Variants in OR6C76 observed in about 807,000 individuals in gnomAD.
OR6C76 encodes olfactory receptor 6C76.
For missense variants in OR6C76, 352 were observed against 357.3 expected (o/e 0.99, Z 0.12); for synonymous variants, 140 against 137.8 (o/e 1.02, Z -0.11).
Position 55,427,163 on chromosome 12 carries a change from A to C in OR6C76, c.910A>C (p.Lys304Gln), listed in dbSNP as rs867146988. The C allele has an allele frequency of 6.5e-7, 1 of 1,544,772 alleles. No individual in the cohort carries two copies. Among genetic ancestry groups the C allele is most frequent in the Middle Eastern group, 1.7e-4 (1 of 5,752 alleles). Reference sequence around the variant, plus strand: ...ACAAGCATTTAAGGATGTTCTGAGAAAGATTTCCCACAAAAAAAAAAAACA... The same window carrying C: ...ACAAGCATTTAAGGATGTTCTGAGACAGATTTCCCACAAAAAAAAAAAACA... ...VKQAFKDVLR[K>Q]ISHKKKKH Residue 304 changes from lysine to glutamine, a missense_variant, in exon 1 of 1, where the codon AAG (lysine) becomes CAG (glutamine). Coordinates refer to ENST00000328314, the MANE Select transcript of OR6C76 (RefSeq NM_001005183.1).
rs1870990419 is a variant in OR6C76 at position 55,427,003 on chromosome 12, A to G, written c.750A>G (p.Gly250=). 6.2e-7 allele frequency: 1 copy of G among 1,613,494 alleles called. No individual in the cohort carries two copies. The highest frequency in any genetic ancestry group is 8.5e-7 in the Non-Finnish European group (1 of 1,179,736). The change falls in exon 1 of 1, where the codon GGA becomes GGG. Residue 250 remains glycine, a synonymous_variant. Coordinates refer to ENST00000328314, the MANE Select transcript of OR6C76 (RefSeq NM_001005183.1). ...TGATTGTTGTCTCTATCTCTTATGG[A>G]AGCTGCATCTTCATGTATGTGAAAA... The part of the protein sequence containing the change: ...SHVIVVSISY[G]SCIFMYVKTS...
Position 55,427,172 on chromosome 12 carries a change from CA to C in OR6C76, c.920del (p.His307ProfsTer?), listed in dbSNP as rs1156356233. 2 of 1,500,178 alleles carry C rather than the reference CA, an allele frequency of 1.3e-6. No individual in the cohort carries two copies. Among genetic ancestry groups the C allele is most frequent in the Non-Finnish European group, 1.8e-6 (2 of 1,123,800 alleles). The allele number at this position is 1,500,178 out of a possible 1,614,324, so 92.9% of individuals were successfully genotyped here. On this transcript the variant is annotated frameshift_variant, in exon 1 of 1. Coordinates refer to ENST00000328314, the MANE Select transcript of OR6C76 (RefSeq NM_001005183.1). LOFTEE classifies it low-confidence loss of function (END_TRUNC). ...TAAGGATGTTCTGAGAAAGATTTCC[CA>C]CAAAAAAAAAAAACACTGATTTGAA... is the stretch of plus-strand genomic sequence containing the variant. Reference protein sequence around the residue: ...AFKDVLRKISHKKKKH With the variant: ...AFKDVLRKISXKKKKH
Position 55,426,384 on chromosome 12 carries a change from T to C in OR6C76, c.131T>C (p.Ile44Thr). ...AGTGTTACTGGAAATCTAACTATCATCTCCCTTACCCTGCTGGATTCCCAC... is the reference window on the plus strand; with the variant it reads ...AGTGTTACTGGAAATCTAACTATCACCTCCCTTACCCTGCTGGATTCCCAC... ...VLSVTGNLTI[I>T]SLTLLDSHLK... The change falls in exon 1 of 1, where the codon ATC (isoleucine) becomes ACC (threonine). Residue 44 changes from isoleucine to threonine, a missense_variant. Ile to Thr is a moderately conservative substitution (Grantham distance 89). Coordinates refer to ENST00000328314, the MANE Select transcript of OR6C76 (RefSeq NM_001005183.1). The C allele has an allele frequency of 6.2e-7, 1 of 1,613,754 alleles. No homozygotes were observed. Among genetic ancestry groups the C allele is most frequent in the African/African-American group, 1.3e-5 (1 of 75,014 alleles).
rs1316554093 is a variant in OR6C76, at chr12:55,427,119, T to G, written c.866T>G (p.Leu289Arg). 1 of 1,602,832 alleles carries G rather than the reference T, an allele frequency of 6.2e-7. No homozygotes were observed. Among genetic ancestry groups the G allele is most frequent in the Non-Finnish European group, 8.5e-7 (1 of 1,176,270 alleles). Residue 289 changes from leucine (L) to arginine (R), a missense_variant, in exon 1 of 1, where the codon CTA (leucine) becomes CGA (arginine). Coordinates refer to ENST00000328314, the MANE Select transcript of OR6C76 (RefSeq NM_001005183.1). ...ATGCTGAATCCATTTATTTACACTCTAAGAAACCAGCAGGTGAAACAAGCA... is the reference window on the plus strand; with the variant it reads ...ATGCTGAATCCATTTATTTACACTCGAAGAAACCAGCAGGTGAAACAAGCA... Reference protein sequence around the residue: ...APMLNPFIYTLRNQQVKQAFK... With the variant: ...APMLNPFIYTRRNQQVKQAFK...
rs770014298 is a variant in OR6C76 at position 55,427,140 on chromosome 12, A to G, written c.887A>G (p.Gln296Arg). ...ACTCTAAGAAACCAGCAGGTGAAAC[A>G]AGCATTTAAGGATGTTCTGAGAAAG... ...IYTLRNQQVKQAFKDVLRKIS... is the reference protein window; with the variant it reads ...IYTLRNQQVKRAFKDVLRKIS... Residue 296 changes from glutamine (Q) to arginine (R), a missense_variant, in exon 1 of 1, where the codon CAA (glutamine) becomes CGA (arginine). Transcript: ENST00000328314. The G allele has an allele frequency of 1.6e-5, 25 of 1,600,084 alleles. No individual in the cohort carries two copies. The highest frequency in any genetic ancestry group is 2.0e-5 in the Non-Finnish European group (23 of 1,173,146).
rs776333402 is a variant in OR6C76 at position 55,426,648 on chromosome 12, T to C, written c.395T>C (p.Ile132Thr). ...AICKPLHYTT[I>T]MSDRICYQLI... ...TGTAAGCCTCTGCATTATACAACCATCATGAGTGACAGGATCTGTTATCAG... is the reference window on the plus strand; with the variant it reads ...TGTAAGCCTCTGCATTATACAACCACCATGAGTGACAGGATCTGTTATCAG... The change falls in exon 1 of 1, where the codon ATC becomes ACC. Residue 132 changes from isoleucine (I) to threonine (T), a missense_variant. Transcript: ENST00000328314. 1 of 1,613,682 alleles carries C rather than the reference T, an allele frequency of 6.2e-7. No homozygotes were observed. The highest frequency in any genetic ancestry group is 2.2e-5 in the East Asian group (1 of 44,886).
Position 55,426,277 on chromosome 12 carries a change from A to G in OR6C76, c.24A>G (p.Thr8=). The G allele has an allele frequency of 6.2e-7, 1 of 1,600,348 alleles. No individual in the cohort carries two copies. The change falls in exon 1 of 1, where the codon ACA becomes ACG. Residue 8 remains threonine (T), a synonymous_variant. Coordinates refer to ENST00000328314, the MANE Select transcript of OR6C76 (RefSeq NM_001005183.1). ...AAATGAAAAATAGAACATCAGTGACAGATTTCATCCTTCTGGGTCTGACGG... is the reference window on the plus strand; with the variant it reads ...AAATGAAAAATAGAACATCAGTGACGGATTTCATCCTTCTGGGTCTGACGG... MKNRTSV[T]DFILLGLTDN...
In OR6C76 at chr12:55,426,370, A is replaced by T. The variant is rs752644678; in HGVS notation, c.117A>T (p.Gly39=). Residue 39 remains glycine, a synonymous_variant, in exon 1 of 1, where the codon GGA becomes GGT. Transcript: ENST00000328314. ...LFLTYVLSVT[G]NLTIISLTLL... ...TTACGTATGTACTGAGTGTTACTGG[A>T]AATCTAACTATCATCTCCCTTACCC... 53 of 1,613,636 alleles carry T rather than the reference A, an allele frequency of 3.3e-5. No individual in the cohort carries two copies. In the East Asian group the frequency reaches 3.8e-4, roughly 12 times the overall value.
chr12:55,426,471 TC>T lies in OR6C76; in HGVS notation c.219del (p.Cys74ValfsTer6), dbSNP rs1870972539. The T allele has an allele frequency of 6.2e-7, 1 of 1,613,658 alleles. No homozygotes were observed. Among genetic ancestry groups the T allele is most frequent in the African/African-American group, 1.3e-5 (1 of 74,904 alleles). ...TCCTTGGAAATTTCATTTACTTCTG[TC>T]TGTAATCCTAGATTTCTGATCAGCA... ...NFSLEISFTS[V>X]CNPRFLISIL... On this transcript the variant is annotated frameshift_variant, in exon 1 of 1. Coordinates refer to ENST00000328314, the MANE Select transcript of OR6C76 (RefSeq NM_001005183.1). LOFTEE classifies it low-confidence loss of function (END_TRUNC).
At position 55,426,912 on chromosome 12, in the gene OR6C76, G is replaced by T; in HGVS notation, c.659G>T (p.Arg220Ile). The T allele has an allele frequency of 6.2e-7, 1 of 1,613,368 alleles. No homozygotes were observed. The highest frequency in any genetic ancestry group is 8.5e-7 in the Non-Finnish European group (1 of 1,179,692). The change falls in exon 1 of 1, where the codon AGA (arginine) becomes ATA (isoleucine). Residue 220 changes from arginine (R) to isoleucine (I), a missense_variant. Arg to Ile is a moderately conservative substitution (Grantham distance 97). Transcript: ENST00000328314. ...LVILSYTYII[R>I]TILRIPSAQQ... ...ATTCTCTCCTATACTTACATCATCAGAACTATTCTGAGAATCCCCTCAGCA... is the reference window on the plus strand; with the variant it reads ...ATTCTCTCCTATACTTACATCATCATAACTATTCTGAGAATCCCCTCAGCA...
chr12:55,426,894 C>T lies in OR6C76; in HGVS notation c.641C>T (p.Ser214Phe), dbSNP rs754259018. Residue 214 changes from serine (S) to phenylalanine (F), a missense_variant, in exon 1 of 1, where the codon TCC becomes TTC. Physicochemically the swap from Ser to Phe is radical, Grantham distance 155. Coordinates refer to ENST00000328314, the MANE Select transcript of OR6C76 (RefSeq NM_001005183.1). ...TCCACTTTGATATTAGTAATTCTCT[C>T]CTATACTTACATCATCAGAACTATT... ...LISTLILVILSYTYIIRTILR... is the reference protein window; with the variant it reads ...LISTLILVILFYTYIIRTILR... 6 of 1,613,296 alleles carry T rather than the reference C, an allele frequency of 3.7e-6. No homozygotes were observed. In the African/African-American group the frequency reaches 4.0e-5, roughly 11 times the overall value.
chr12:55,426,509 G>T lies in OR6C76; in HGVS notation c.256G>T (p.Asp86Tyr), dbSNP rs767182523. 57 of 1,613,656 alleles carry T rather than the reference G, an allele frequency of 3.5e-5. No homozygotes were observed. The highest frequency in any genetic ancestry group is 4.7e-5 in the Non-Finnish European group (56 of 1,179,856). ...ATTTCTGATCAGCATTCTAACAGGG[G>T]ACAAATCCATATCTTATAATGCTTG... Reference protein sequence around the residue: ...PRFLISILTGDKSISYNACAA... With the variant: ...PRFLISILTGYKSISYNACAA... Residue 86 changes from aspartate to tyrosine, a missense_variant, in exon 1 of 1, where the codon GAC (aspartate) becomes TAC (tyrosine). Asp to Tyr is a radical substitution (Grantham distance 160). Transcript: ENST00000328314.
rs1465968256 is a variant in OR6C76 at position 55,427,183 on chromosome 12, A to T, written c.930A>T (p.Lys310Asn). 1.3e-6 allele frequency: 2 copies of T among 1,544,760 alleles called. No individual in the cohort carries two copies. Among genetic ancestry groups the T allele is most frequent in the Non-Finnish European group, 1.7e-6 (2 of 1,149,308 alleles). Residue 310 changes from lysine (K) to asparagine (N), a missense_variant, in exon 1 of 1, where the codon AAA (lysine) becomes AAT (asparagine). Coordinates refer to ENST00000328314, the MANE Select transcript of OR6C76 (RefSeq NM_001005183.1). ...DVLRKISHKK[K>N]KH ...TGAGAAAGATTTCCCACAAAAAAAAAAAACACTGATTTGAATGCAATTTAT... is the reference window on the plus strand; with the variant it reads ...TGAGAAAGATTTCCCACAAAAAAAATAAACACTGATTTGAATGCAATTTAT...
chr12:55,426,743 G>A lies in OR6C76; in HGVS notation c.490G>A (p.Asp164Asn). 16 of 1,613,214 alleles carry A rather than the reference G, an allele frequency of 9.9e-6. No homozygotes were observed. The highest frequency in any genetic ancestry group is 1.4e-5 in the Non-Finnish European group (16 of 1,179,814). Residue 164 changes from aspartate to asparagine, a missense_variant, in exon 1 of 1, where the codon GAT becomes AAT. Transcript: ENST00000328314. ...FPPLAMGLQL[D>N]FCDSNVIDHF... ...ACCACTGGCCATGGGCTTACAGCTG[G>A]ATTTCTGTGACTCCAATGTCATTGA... is the stretch of plus-strand genomic sequence containing the variant.
Position 55,427,008 on chromosome 12 carries a change from G to A in OR6C76, c.755G>A (p.Cys252Tyr), listed in dbSNP as rs1870990658. ...GTTGTCTCTATCTCTTATGGAAGCT[G>A]CATCTTCATGTATGTGAAAACATCA... ...VIVVSISYGS[C>Y]IFMYVKTSAK... Residue 252 changes from cysteine (C) to tyrosine (Y), a missense_variant, in exon 1 of 1, where the codon TGC (cysteine) becomes TAC (tyrosine). Coordinates refer to ENST00000328314, the MANE Select transcript of OR6C76 (RefSeq NM_001005183.1). 1 of 1,613,498 alleles carries A rather than the reference G, an allele frequency of 6.2e-7. No individual in the cohort carries two copies.
chr12:55,427,130 C>T lies in OR6C76; in HGVS notation c.877C>T (p.Gln293Ter). 6.3e-7 allele frequency: 1 copy of T among 1,597,870 alleles called. No individual in the cohort carries two copies. The change falls in exon 1 of 1, where the codon CAG becomes TAG. Residue 293 changes from glutamine (Q) to a stop codon, truncating the protein, a stop_gained. Transcript: ENST00000328314. LOFTEE classifies it low-confidence loss of function (END_TRUNC). ...ATTTATTTACACTCTAAGAAACCAGCAGGTGAAACAAGCATTTAAGGATGT... is the reference window on the plus strand; with the variant it reads ...ATTTATTTACACTCTAAGAAACCAGTAGGTGAAACAAGCATTTAAGGATGT... The part of the protein sequence containing the change: ...NPFIYTLRNQ[Q>*]VKQAFKDVLR...
rs772898790 is a variant in OR6C76, at chr12:55,426,592, C to T, written c.339C>T (p.Ala113=). 20 of 1,613,642 alleles carry T rather than the reference C, an allele frequency of 1.2e-5. No individual in the cohort carries two copies. The highest frequency in any genetic ancestry group is 1.6e-4 in the Middle Eastern group (1 of 6,084). ...FLGSTEFFLL[A]SMSYDCYVAI... is the part of the protein sequence containing the mutation. ...GCTCAACGGAGTTTTTCCTCCTGGCCTCTATGTCCTATGATTGCTATGTGG... is the reference window on the plus strand; with the variant it reads ...GCTCAACGGAGTTTTTCCTCCTGGCTTCTATGTCCTATGATTGCTATGTGG... Residue 113 remains alanine, a synonymous_variant, in exon 1 of 1, where the codon GCC becomes GCT. Transcript: ENST00000328314.
In OR6C76 at chr12:55,427,018, G is replaced by A. The variant is rs933077758; in HGVS notation, c.765G>A (p.Met255Ile). 2 of 1,613,572 alleles carry A rather than the reference G, an allele frequency of 1.2e-6. No homozygotes were observed. The highest frequency in any genetic ancestry group is 8.5e-7 in the Non-Finnish European group (1 of 1,179,740). Residue 255 changes from methionine to isoleucine, a missense_variant, in exon 1 of 1, where the codon ATG becomes ATA. By Grantham distance (10) the Met-to-Ile change is conservative. Transcript: ENST00000328314. ...TCTCTTATGGAAGCTGCATCTTCATGTATGTGAAAACATCAGCAAAGGAAG... is the reference window on the plus strand; with the variant it reads ...TCTCTTATGGAAGCTGCATCTTCATATATGTGAAAACATCAGCAAAGGAAG... ...VSISYGSCIF[M>I]YVKTSAKEGV...
rs77287121 is a variant in OR6C76 at position 55,426,493 on chromosome 12, C to A, written c.240C>A (p.Ile80=). Reference sequence around the variant, plus strand: ...CTGTCTGTAATCCTAGATTTCTGATCAGCATTCTAACAGGGGACAAATCCA... The same window carrying A: ...CTGTCTGTAATCCTAGATTTCTGATAAGCATTCTAACAGGGGACAAATCCA... ...FTSVCNPRFL[I]SILTGDKSIS... Residue 80 remains isoleucine, a synonymous_variant, in exon 1 of 1, where the codon ATC becomes ATA. Transcript: ENST00000328314. 1 of 1,613,692 alleles carries A rather than the reference C, an allele frequency of 6.2e-7. No homozygotes were observed. The highest frequency in any genetic ancestry group is 1.3e-5 in the African/African-American group (1 of 75,026).
Sources: allele counts gnomAD v4.1 joint callset, GRCh38; gene constraint gnomAD v4.1.1; transcripts MANE v1.5; gene names NCBI Gene and HGNC (gene_info 2026-07-23, HGNC 2026-07-21).